NTNG1: variants seen among roughly 807,000 people sequenced by gnomAD.
NTNG1 encodes the protein netrin G1.
In NTNG1, 16 loss-of-function variants were observed where a neutral mutation model predicts 54.0. The ratio of observed to expected loss-of-function variants is 0.30; its 90% confidence interval spans 0.20 to 0.45. The LOEUF is 0.45. NTNG1 is among the 20% of genes least tolerant of loss of function. The pLI is 1.00. For synonymous variants in NTNG1, 255 were observed against 263.1 expected, an observed-to-expected ratio of 0.97 and a Z score of 0.30; for missense variants, 530 against 678.7, an observed-to-expected ratio of 0.78 and a Z score of 2.43.
chr1:107,263,541 T>G (rs1663513837), intron 2 of NTNG1, among the ~76,000 whole-genome samples: 1 of 152,210 alleles, frequency 6.6e-6, no homozygotes, highest in Non-Finnish European at 1.5e-5. Context: ...TTGGGGAGGT[T>G]GCTTAGTGGA....
intron 2 of NTNG1, among the ~76,000 whole-genome samples, chr1:107,277,282 C>A (rs1286247086): frequency 6.6e-6 from 1 of 152,120 alleles, no homozygotes; most frequent in African/African-American, 2.4e-5. Flanking sequence ...GCCCAGAAGC[C>A]AGGGCCCTTG....
intron 2 of NTNG1, among the ~76,000 whole-genome samples, chr1:107,156,430 C>T (rs1057256248): frequency 2.6e-5 from 4 of 151,900 alleles, no homozygotes; most frequent in African/African-American, 9.7e-5. Flanking sequence ...GATATATGTT[C>T]AACACAGCAT....
Position 107,310,886 on chromosome 1 carries a change from A to C in NTNG1, c.247-13396A>C, listed in dbSNP as rs72983584. Among the ~76,000 whole-genome samples, 600 of 152,182 alleles carry C rather than the reference A, an allele frequency of 3.9e-3. 5 individuals are homozygous for C. The highest frequency in any genetic ancestry group is 0.014 in the African/African-American group (580 of 41,524). ...CTTCTTTAAAAAAAAAATAAATCCA[A>C]GACTAGCAATACAAACCTACATAAA... On this transcript the variant is annotated intron_variant, in intron 2 of 7. Transcript: ENST00000370068.
At chr1:107,239,983 G>A (rs1280794568) in intron 2 of NTNG1, among the ~76,000 whole-genome samples, 2 of 152,110 alleles carry the variant, frequency 1.3e-5, no homozygotes, top group Non-Finnish European at 2.9e-5. Context: ...CACACTTCAA[G>A]GGTTCAGTAA....
At chr1:107,444,200 T>C (rs1019491593) in intron 7 of NTNG1, among the ~76,000 whole-genome samples, 1 of 152,120 alleles carries the variant, frequency 6.6e-6, no homozygotes, top group African/African-American at 2.4e-5. Context: ...GCATTCCAGA[T>C]GCAGCTCTTA....
At chr1:107,166,579 A>G (rs546551673) in intron 2 of NTNG1, among the ~76,000 whole-genome samples, 2 of 152,206 alleles carry the variant, frequency 1.3e-5, no homozygotes, top group African/African-American at 4.8e-5. Flanking sequence ...ATCACAAATC[A>G]TAAGTACTTA....
At chr1:107,163,567 C>A (rs565170638) in intron 2 of NTNG1, among the ~76,000 whole-genome samples, 1 of 152,128 alleles carries the variant, frequency 6.6e-6, no homozygotes, top group South Asian at 2.1e-4. Flanking sequence ...TAGCTAACTG[C>A]TTGTGAGGTT....
chr1:107,397,687 C>T (rs994110263), intron 4 of NTNG1, among the ~76,000 whole-genome samples: 1 of 151,592 alleles, frequency 6.6e-6, no homozygotes, highest in Admixed American at 6.6e-5. Context: ...CAGTCTTGTC[C>T]ATTGTTGGAC....
At chr1:107,480,576 G>GGCCCCCCCCCC in intron 7 of NTNG1, 35 bp from the exon 8 acceptor site, 4 of 339,090 alleles carry the variant, frequency 1.2e-5, no homozygotes, top group Non-Finnish European at 2.3e-5. Context: ...TCCTCCCCGC[G>GGCCCCCCCCCC]CCCACCCACC....
chr1:107,295,412 G>C (rs770916939), intron 2 of NTNG1, among the ~76,000 whole-genome samples: 2 of 152,078 alleles, frequency 1.3e-5, no homozygotes, highest in Non-Finnish European at 2.9e-5. Context: ...AAATAACCTT[G>C]CTGTTTGTCA....
At chr1:107,211,955 T>G (rs1486823704) in intron 2 of NTNG1, among the ~76,000 whole-genome samples, 1 of 152,182 alleles carries the variant, frequency 6.6e-6, no homozygotes, top group African/African-American at 2.4e-5. Flanking sequence ...AGCCCAGCGG[T>G]GAAGTTATTC....
chr1:107,310,642 G>A (rs1666953673), intron 2 of NTNG1, among the ~76,000 whole-genome samples: 1 of 152,066 alleles, frequency 6.6e-6, no homozygotes, highest in South Asian at 2.1e-4. Flanking sequence ...ACTTGGACAA[G>A]CACAATTTTG....
rs1653923912 is a variant in NTNG1, at chr1:107,143,921, T to C, written c.-526+2781T>C. 2.6e-5 allele frequency among the ~76,000 whole-genome samples: 4 copies of C among 152,208 alleles called. 1 individual carries two copies. In the South Asian group the frequency reaches 8.3e-4, roughly 32 times the overall value. On this transcript the variant is annotated intron_variant, in intron 1 of 7. Transcript: ENST00000370068. Reference sequence around the variant, plus strand: ...AGTCTTCTCTCAATGAAAATAGAGATCTTTCAATTACCACGGTGTGTTATT... The same window carrying C: ...AGTCTTCTCTCAATGAAAATAGAGACCTTTCAATTACCACGGTGTGTTATT...
At chr1:107,434,094 C>CT (rs1478252854) in intron 6 of NTNG1, among the ~76,000 whole-genome samples, 1 of 152,180 alleles carries the variant, frequency 6.6e-6, no homozygotes, top group African/African-American at 2.4e-5. Context: ...TGAACTTCAT[C>CT]TAAGTCTCAT....
intron 1 of NTNG1, among the ~76,000 whole-genome samples, chr1:107,146,952 T>G (rs1266466793): frequency 6.6e-6 from 1 of 152,112 alleles, no homozygotes; most frequent in Non-Finnish European, 1.5e-5. Context: ...TAGAATTTTC[T>G]AAAATTGTAG....
At chr1:107,183,586 A>T (rs1391384746) in intron 2 of NTNG1, among the ~76,000 whole-genome samples, 1 of 152,146 alleles carries the variant, frequency 6.6e-6, no homozygotes, top group Admixed American at 6.6e-5. Flanking sequence ...TTAGTTTTGG[A>T]TGATTATGCC....
intron 5 of NTNG1, among the ~76,000 whole-genome samples, chr1:107,423,541 A>C (rs1356418227): frequency 6.6e-6 from 1 of 152,130 alleles, no homozygotes; most frequent in Non-Finnish European, 1.5e-5. Context: ...TACGTGGTAC[A>C]GGGTAGTTCT....
intron 3 of NTNG1, among the ~76,000 whole-genome samples, chr1:107,347,716 G>A (rs530912366): frequency 9.9e-5 from 15 of 152,212 alleles, no homozygotes; most frequent in African/African-American, 1.4e-4. Context: ...AGATTTAATC[G>A]ACTCACAGTT....
intron 2 of NTNG1, among the ~76,000 whole-genome samples, chr1:107,316,856 CAATA>C (rs1387614483): frequency 6.6e-6 from 1 of 152,116 alleles, no homozygotes; most frequent in Admixed American, 6.6e-5. Context: ...AGTAGATATC[CAATA>C]AATAGCTAAC....
Sources: gnomAD v4.1 joint callset for allele counts (sites outside exome capture counted in the v4.1 genomes callset) on GRCh38, gnomAD v4.1.1 for gene constraint, MANE v1.5 for transcripts, NCBI Gene and HGNC (gene_info 2026-07-23, HGNC 2026-07-21) for gene names.